NUP210: variants seen among roughly 807,000 people sequenced by gnomAD.
NUP210 encodes nuclear pore membrane glycoprotein 210.
Under a neutral mutation model 196.0 loss-of-function variants are expected in NUP210, and 151 were observed. That is an observed-to-expected ratio of 0.77 (90% CI 0.67 to 0.88). The LOEUF (loss-of-function observed/expected upper bound fraction) is 0.88. Ranked by LOEUF, NUP210 falls within the 40% of genes least tolerant of loss-of-function variation. The probability of loss-of-function intolerance (pLI) is 0.00; values close to 1 mark genes in which losing one functional copy is unlikely to be tolerated. For missense variants in NUP210, 2,314 were observed against 2,493.7 expected (o/e 0.93, Z 1.53); for synonymous variants, 1,070 against 1,052.7 (o/e 1.02, Z -0.32).
At position 13,339,951 on chromosome 3, in the gene NUP210, G is replaced by A. The variant is rs1204393115; in HGVS notation, c.3374C>T (p.Ala1125Val). ...GATGGCGAGGCCCTGTACCAGCCCAGCAGCGCTCACCAGCGCAACGCTCTC... is the reference window on the plus strand; with the variant it reads ...GATGGCGAGGCCCTGTACCAGCCCAACAGCGCTCACCAGCGCAACGCTCTC... ...SNESVALVSA[A>V]GLVQGLAIGN... The change falls in exon 25 of 40, where the codon GCT becomes GTT. Residue 1125 changes from alanine to valine, a missense_variant. Coordinates refer to ENST00000254508, the MANE Select transcript of NUP210 (RefSeq NM_024923.4). 3.7e-6 allele frequency: 6 copies of A among 1,614,044 alleles called. No homozygotes were observed. Among genetic ancestry groups the A allele is most frequent in the East Asian group, 2.2e-5 (1 of 44,890 alleles).
chr3:13,412,003 A>C (rs926125986), intron 1 of NUP210, among the ~76,000 whole-genome samples: 3 of 151,974 alleles, frequency 2.0e-5, no homozygotes, highest in Non-Finnish European at 4.4e-5. Flanking sequence ...TCGGCCTCCC[A>C]AAGTGCTGGG....
At chr3:13,342,720 T>C (rs538380566) in intron 21 of NUP210, among the ~76,000 whole-genome samples, 2 of 151,876 alleles carry the variant, frequency 1.3e-5, no homozygotes, top group East Asian at 3.9e-4. Context: ...TCTGTATCAG[T>C]GTGAAAGATA....
At chr3:13,377,296 A>G (rs1360969787) in intron 9 of NUP210, among the ~76,000 whole-genome samples, 160 bp downstream of exon 9, 1 of 152,144 alleles carries the variant, frequency 6.6e-6, no homozygotes, top group Non-Finnish European at 1.5e-5. Context: ...GGGATGCCTC[A>G]GCACTGTTTC....
rs6788192 is a variant in NUP210, at chr3:13,386,534, C to A, written c.685-127G>T. On this transcript the variant is annotated intron_variant, in intron 5 of 39. Coordinates refer to ENST00000254508, the MANE Select transcript of NUP210 (RefSeq NM_024923.4). ...AGTTAAGAGGAAAGAAACAAGATAT[C>A]ATTCCCAAATCCTCACTTTCAGAAC... The A allele has an allele frequency of 3.2e-6, 4 of 1,236,488 alleles. No homozygotes were observed. The East Asian group carries it at 7.2e-5, about 22-fold the overall frequency. 76.6% of individuals were successfully genotyped at this position (1,236,488 alleles called of 1,614,324 possible).
rs1358434724 is a variant in NUP210, at chr3:13,342,981, T to C, written c.2964+194A>G. Reference sequence around the variant, plus strand: ...GGGTATGTCATCTGGGATGAAGAAGTCCCTTACTGAAGGGACTCTGGATCC... The same window carrying C: ...GGGTATGTCATCTGGGATGAAGAAGCCCCTTACTGAAGGGACTCTGGATCC... On this transcript the variant is annotated intron_variant, in intron 21 of 39. Coordinates refer to ENST00000254508, the MANE Select transcript of NUP210 (RefSeq NM_024923.4). 3.9e-5 allele frequency among the ~76,000 whole-genome samples: 6 copies of C among 152,168 alleles called. No individual in the cohort carries two copies. In the East Asian group the frequency reaches 9.7e-4, roughly 25 times the overall value.
chr3:13,353,322 C>T (rs1698045876), intron 18 of NUP210, among the ~76,000 whole-genome samples: 1 of 152,170 alleles, frequency 6.6e-6, no homozygotes, highest in Admixed American at 6.5e-5. Context: ...TGGCTGTCAT[C>T]CAGGAAGGGC....
At chr3:13,375,452 A>C (rs446483) in intron 11 of NUP210, 52 bp downstream of exon 11, 1 of 1,552,308 alleles carries the variant, frequency 6.4e-7, no homozygotes, top group Non-Finnish European at 8.8e-7. Context: ...AAAAGCCACA[A>C]TCCCATGAAA....
intron 19 of NUP210, 47 bp from the exon 20 acceptor site, chr3:13,352,027 G>C (rs373753984): frequency 3.8e-6 from 6 of 1,598,976 alleles, no homozygotes; most frequent in Non-Finnish European, 5.1e-6. Context: ...GTGGGAGGGC[G>C]AGGAGTCCCC....
In NUP210 at chr3:13,353,637, C is replaced by T. The variant is rs190530791; in HGVS notation, c.2545G>A (p.Glu849Lys). The T allele has an allele frequency of 3.7e-5, 59 of 1,614,062 alleles. No homozygotes were observed. Among genetic ancestry groups the T allele is most frequent in the East Asian group, 1.6e-4 (7 of 44,882 alleles). Residue 849 changes from glutamate (E) to lysine (K), a missense_variant, in exon 18 of 40, where the codon GAG (glutamate) becomes AAG (lysine). Transcript: ENST00000254508. ...LHGLQAILVH[E>K]ASGTTAITAT... ...GTGATGGCTGTGGTTCCTGATGCCT[C>T]GTGAACCAAAATGGCCTGCAAACCT... is the stretch of plus-strand genomic sequence containing the variant.
rs1310614069 is a variant in NUP210, at chr3:13,317,517, G to T, written c.*164C>A. 1.3e-5 allele frequency: 8 copies of T among 615,904 alleles called. No individual in the cohort carries two copies. Among genetic ancestry groups the T allele is most frequent in the Non-Finnish European group, 2.3e-5 (8 of 344,828 alleles). The allele number at this position is 615,904 out of a possible 1,614,324, so 38.2% of individuals were successfully genotyped here. A position where few individuals can be genotyped will look rare whatever the true frequency, so the allele number is the denominator to read the frequency against. On this transcript the variant is annotated 3_prime_UTR_variant, in exon 40 of 40. Coordinates refer to ENST00000254508, the MANE Select transcript of NUP210 (RefSeq NM_024923.4). Reference sequence around the variant, plus strand: ...CCTACATAAAATGAGCTAATGGGCAGAGCCGAAACTACAGCTCTGTGTGAA... The same window carrying T: ...CCTACATAAAATGAGCTAATGGGCATAGCCGAAACTACAGCTCTGTGTGAA...
intron 1 of NUP210, among the ~76,000 whole-genome samples, chr3:13,419,401 C>G (rs942399129): frequency 6.6e-6 from 1 of 152,192 alleles, no homozygotes; most frequent in Admixed American, 6.5e-5. Flanking sequence ...GGTCACACTC[C>G]GCATCCGACC....
chr3:13,403,086 T>C (rs566167550), intron 1 of NUP210, among the ~76,000 whole-genome samples: 18 of 152,382 alleles, frequency 1.2e-4, no homozygotes, highest in Non-Finnish European at 2.4e-4. Flanking sequence ...TAAAAAGTCA[T>C]ATTTTTAAGA....
In NUP210 at chr3:13,374,022, AC is replaced by A; in HGVS notation, c.1432-150del. 3 of 880,512 alleles carry A rather than the reference AC, an allele frequency of 3.4e-6. No individual in the cohort carries two copies. In the Admixed American group the frequency reaches 6.5e-5, roughly 19 times the overall value. 54.5% of individuals were successfully genotyped at this position (880,512 alleles called of 1,614,324 possible). A position where few individuals can be genotyped will look rare whatever the true frequency, so the allele number is the denominator to read the frequency against. The stretch of plus-strand genomic sequence containing the variant: ...CATGGGTTCACCCATGCACACACTC[AC>A]CATTCACACTCACATGTACAGCTAC... On this transcript the variant is annotated intron_variant, in intron 11 of 39. Transcript: ENST00000254508.
At chr3:13,382,795 G>C (rs1699145109) in intron 6 of NUP210, among the ~76,000 whole-genome samples, 1 of 152,112 alleles carries the variant, frequency 6.6e-6, no homozygotes, top group African/African-American at 2.4e-5. Flanking sequence ...TGACTTTTCT[G>C]TCTAGCAAAC....
chr3:13,420,302 G>T lies in NUP210; in HGVS notation c.-76C>A. On this transcript the variant is annotated 5_prime_UTR_variant, in exon 1 of 40. Coordinates refer to ENST00000254508, the MANE Select transcript of NUP210 (RefSeq NM_024923.4). This position sits in a 1 kb window ranked among gnomAD's most constrained non-coding sequence, Gnocchi z 4.8. ...CCCGTTGCCCTCCGCTCCCGCCCGC[G>T]CGCGCGCCAGGCCAGCAGGTGATGA... The T allele has an allele frequency of 1.1e-6, 1 of 940,452 alleles. No individual in the cohort carries two copies. The allele number at this position is 940,452 out of a possible 1,614,324, so 58.3% of individuals were successfully genotyped here.
Position 13,341,844 on chromosome 3 carries a change from G to A in NUP210, c.3132C>T (p.Phe1044=), listed in dbSNP as rs753270935. 6.2e-7 allele frequency: 1 copy of A among 1,614,220 alleles called. No individual in the cohort carries two copies. Among genetic ancestry groups the A allele is most frequent in the Non-Finnish European group, 8.5e-7 (1 of 1,180,048 alleles). The change falls in exon 23 of 40, where the codon TTC becomes TTT. Residue 1044 remains phenylalanine, a synonymous_variant. Transcript: ENST00000254508. ...GGCCGATGGCCACACCGCGGATGAG[G>A]AATGTGATGGTGTAGTTGTCAAGGG... The part of the protein sequence containing the change: ...DEALDNYTIT[F]LIRGVAIGQT...
Position 13,352,123 on chromosome 3 carries a change from A to C in NUP210, c.2690T>G (p.Val897Gly). ...GTAGATGGTCACCTCTTCTGGGCTC[A>C]CCCTCACGTCCTCCACCAGGATGAG... is the stretch of plus-strand genomic sequence containing the variant. Reference protein sequence around the residue: ...IELILVEDVRVSPEEVTIYNH... With the variant: ...IELILVEDVRGSPEEVTIYNH... The change falls in exon 19 of 40, where the codon GTG (valine) becomes GGG (glycine). Residue 897 changes from valine to glycine, a missense_variant. Physicochemically the swap from Val to Gly is moderately radical, Grantham distance 109. Transcript: ENST00000254508. 6.2e-7 allele frequency: 1 copy of C among 1,613,988 alleles called. No homozygotes were observed.
Position 13,347,180 on chromosome 3 carries a change from G to T in NUP210, c.2836-3877C>A, listed in dbSNP as rs904371616. ...GCTCATAGGACCCAGGAGATGGAGA[G>T]ACACAGCTGCGGCTCACAGGAGCTG... On this transcript the variant is annotated intron_variant, in intron 20 of 39. Transcript: ENST00000254508. The surrounding 1 kb of genome is among the most constrained non-coding windows in gnomAD (Gnocchi z 4.7). 2 of 985,294 alleles carry T rather than the reference G, an allele frequency of 2.0e-6. No individual in the cohort carries two copies. The highest frequency in any genetic ancestry group is 3.5e-5 in the African/African-American group (2 of 57,238). The allele number at this position is 985,294 out of a possible 1,614,324, so 61.0% of individuals were successfully genotyped here.
chr3:13,376,251 T>A, intron 10 of NUP210, 40 bp downstream of exon 10: 3 of 1,609,254 alleles, frequency 1.9e-6, no homozygotes, highest in Non-Finnish European at 2.5e-6. Flanking sequence ...GAGGGTGGCT[T>A]CATAGGACAA....
Sources: gnomAD v4.1 joint callset for allele counts (sites outside exome capture counted in the v4.1 genomes callset) on GRCh38, gnomAD v4.1.1 for gene constraint, Gnocchi (gnomAD v3.1) non-coding constraint, MANE v1.5 for transcripts, NCBI Gene and HGNC (gene_info 2026-07-23, HGNC 2026-07-21) for gene names.